Variants in CRIM1 observed in about 807,000 individuals in gnomAD.
CRIM1 encodes cysteine-rich motor neuron 1 protein.
CRIM1 carries 32 observed loss-of-function variants against 116.4 expected under a neutral mutation model. The observed-to-expected ratio is 0.27, with a 90% CI of 0.21 to 0.37. CRIM1 has a LOEUF of 0.37. Among genes scored for constraint, CRIM1 ranks in the 10% least tolerant of loss-of-function variants. The probability of loss-of-function intolerance (pLI) is 1.00; values close to 1 mark genes in which losing one functional copy is unlikely to be tolerated. For synonymous variants in CRIM1, 590 were observed against 509.2 expected (o/e 1.16, Z -2.13); for missense variants, 1,331 against 1,354.8 (o/e 0.98, Z 0.28).
chr2:36,406,802 T>G (rs1281199949), intron 2 of CRIM1, among the ~76,000 whole-genome samples: 1 of 152,244 alleles, frequency 6.6e-6, no homozygotes, highest in Non-Finnish European at 1.5e-5. Context: ...CATCATAGAT[T>G]CTAGTTTTCT....
At chr2:36,495,463 A>G (rs371631158) in intron 7 of CRIM1, among the ~76,000 whole-genome samples, 1 of 139,448 alleles carries the variant, frequency 7.2e-6, no homozygotes, top group South Asian at 2.3e-4. Context: ...AAGCCTCTTT[A>G]TTTATTTATT....
At chr2:36,505,051 G>A (rs1681293536) in intron 8 of CRIM1, among the ~76,000 whole-genome samples, 1 of 152,172 alleles carries the variant, frequency 6.6e-6, no homozygotes, top group Admixed American at 6.5e-5. Flanking sequence ...AACATCACAA[G>A]AAGGTTGCAG....
intron 1 of CRIM1, among the ~76,000 whole-genome samples, chr2:36,376,843 G>C (rs1370765324): frequency 1.3e-5 from 2 of 152,174 alleles, no homozygotes; most frequent in Non-Finnish European, 2.9e-5. Context: ...CAAGCTTCTT[G>C]GGAAAAGACA....
intron 2 of CRIM1, among the ~76,000 whole-genome samples, chr2:36,421,987 A>G (rs527782468): frequency 2.0e-5 from 3 of 152,108 alleles, no homozygotes; most frequent in South Asian, 2.1e-4. Flanking sequence ...GGAGAATTCT[A>G]TTTTTGCTAA....
intron 8 of CRIM1, among the ~76,000 whole-genome samples, chr2:36,505,273 C>A (rs1681311604): frequency 1.3e-5 from 2 of 152,178 alleles, no homozygotes; most frequent in Admixed American, 1.3e-4. Flanking sequence ...ACTTAACATC[C>A]TCTGTAGATT....
rs145622845 is a variant in CRIM1 at position 36,517,411 on chromosome 2, C to T, written c.2075C>T (p.Thr692Met). Residue 692 changes from threonine to methionine, a missense_variant, in exon 12 of 17, where the codon ACG becomes ATG. Thr to Met is a moderately conservative substitution (Grantham distance 81). Transcript: ENST00000280527. ...GGAGAATACTTTGTGGAAGGAGAAA[C>T]GTGGAACATTGACTCCTGTACTCAG... ...PGGEYFVEGE[T>M]WNIDSCTQCT... 1.5e-5 allele frequency: 25 copies of T among 1,614,074 alleles called. No homozygotes were observed. The Admixed American group carries it at 3.0e-4, about 19-fold the overall frequency.
chr2:36,428,815 T>C (rs1326298144), intron 2 of CRIM1, among the ~76,000 whole-genome samples: 1 of 152,192 alleles, frequency 6.6e-6, no homozygotes, highest in African/African-American at 2.4e-5. Context: ...CTTAGGAAAC[T>C]TGTTGCAGAA....
chr2:36,537,115 C>A (rs1255016215), intron 13 of CRIM1, among the ~76,000 whole-genome samples: 5 of 152,168 alleles, frequency 3.3e-5, no homozygotes, highest in African/African-American at 1.2e-4. Flanking sequence ...CTAACAGGTA[C>A]CATTCCCTGC....
At chr2:36,476,548 A>G (rs1446006093) in intron 5 of CRIM1, among the ~76,000 whole-genome samples, 1 of 152,198 alleles carries the variant, frequency 6.6e-6, no homozygotes, top group African/African-American at 2.4e-5. Context: ...GAGGTAGACA[A>G]TGATTTAACC....
chr2:36,548,145 G>T (rs910364987), intron 16 of CRIM1, among the ~76,000 whole-genome samples: 1 of 152,136 alleles, frequency 6.6e-6, no homozygotes, highest in Non-Finnish European at 1.5e-5. Context: ...TGATAGTGTT[G>T]TACAGTCTGA....
At chr2:36,390,487 G>T (rs148962190) in intron 1 of CRIM1, among the ~76,000 whole-genome samples, 1 of 152,180 alleles carries the variant, frequency 6.6e-6, no homozygotes, top group Admixed American at 6.5e-5. Context: ...GGCACGGGGT[G>T]TTGAAGATAC....
chr2:36,477,741 C>T (rs1387028494), intron 6 of CRIM1, among the ~76,000 whole-genome samples: 2 of 152,248 alleles, frequency 1.3e-5, no homozygotes, highest in East Asian at 1.9e-4. Flanking sequence ...ATCTTCCCAT[C>T]ACTGATGTTC....
intron 2 of CRIM1, among the ~76,000 whole-genome samples, chr2:36,402,210 G>A (rs956700049): frequency 6.6e-6 from 1 of 152,170 alleles, no homozygotes; most frequent in Non-Finnish European, 1.5e-5. Flanking sequence ...ACAGTAACCA[G>A]TATGCTGTGA....
chr2:36,357,095 G>A (rs1028993763), intron 1 of CRIM1, among the ~76,000 whole-genome samples: 14 of 152,192 alleles, frequency 9.2e-5, no homozygotes, highest in Non-Finnish European at 2.1e-4. Context: ...CGGAGGAGAC[G>A]TGTCTCCAGC....
chr2:36,520,490 T>C (rs1030027704), intron 12 of CRIM1, among the ~76,000 whole-genome samples: 1 of 152,184 alleles, frequency 6.6e-6, no homozygotes, highest in Non-Finnish European at 1.5e-5. Flanking sequence ...GAAAAGGTCA[T>C]TGAGAAAGTC....
intron 1 of CRIM1, among the ~76,000 whole-genome samples, chr2:36,364,048 A>T (rs933643700): frequency 6.6e-6 from 1 of 152,174 alleles, no homozygotes; most frequent in African/African-American, 2.4e-5. Context: ...TGTGTAAGCC[A>T]GTTTTTCTGT....
intron 1 of CRIM1, among the ~76,000 whole-genome samples, chr2:36,376,942 C>G (rs1670365917): frequency 6.6e-6 from 1 of 152,176 alleles, no homozygotes; most frequent in African/African-American, 2.4e-5. Flanking sequence ...GTGTATCACT[C>G]TCTCTAATGT....
In CRIM1 at chr2:36,499,320, G is replaced by C. The variant is rs139161726; in HGVS notation, c.1474G>C (p.Gly492Arg). The change falls in exon 8 of 17, where the codon GGT becomes CGT. Residue 492 changes from glycine to arginine, a missense_variant. Gly to Arg is a moderately radical substitution (Grantham distance 125, BLOSUM62 -2). Transcript: ENST00000280527. Reference protein sequence around the residue: ...CINGFKRDHNGCRTCQCINTE... With the variant: ...CINGFKRDHNRCRTCQCINTE... ...TAATGGTTTCAAACGCGATCACAAT[G>C]GTTGTCGGACCTGTCAGTGCATAAA... The C allele has an allele frequency of 6.2e-7, 1 of 1,614,120 alleles. No individual in the cohort carries two copies. The highest frequency in any genetic ancestry group is 8.5e-7 in the Non-Finnish European group (1 of 1,180,006).
chr2:36,409,314 TTTTAAA>T (rs1388772239), intron 2 of CRIM1, among the ~76,000 whole-genome samples: 1 of 152,152 alleles, frequency 6.6e-6, no homozygotes, highest in Admixed American at 6.5e-5. Context: ...CTAGGAAAAA[TTTTAAA>T]TTTAAATTTA....
Sources: allele counts gnomAD v4.1 joint callset (sites outside exome capture counted in the v4.1 genomes callset), GRCh38; gene constraint gnomAD v4.1.1; transcripts MANE v1.5; gene names NCBI Gene and HGNC (gene_info 2026-07-23, HGNC 2026-07-21).